The following KCTD16 variants were observed in gnomAD, a reference collection of about 807,000 sequenced individuals.
KCTD16 encodes the protein BTB/POZ domain-containing protein KCTD16.
A neutral mutation model predicts 33.2 loss-of-function variants in KCTD16; 13 were observed. The observed-to-expected ratio is 0.39, with a 90% CI of 0.25 to 0.62. The LOEUF is 0.62. KCTD16 is among the 20% of genes least tolerant of loss of function. The probability of loss-of-function intolerance (pLI) is 0.50; values close to 1 mark genes in which losing one functional copy is unlikely to be tolerated. For synonymous variants in KCTD16, 197 were observed against 195.3 expected, an observed-to-expected ratio of 1.01 and a Z score of -0.07; for missense variants, 441 against 525.1, an observed-to-expected ratio of 0.84 and a Z score of 1.57.
intron 3 of KCTD16, among the ~76,000 whole-genome samples, chr5:144,454,480 T>C (rs1363860801): frequency 6.6e-6 from 1 of 150,746 alleles, no homozygotes; most frequent in Non-Finnish European, 1.5e-5. Context: ...TTCTTAAGAT[T>C]TCCAAATTAT....
intron 3 of KCTD16, among the ~76,000 whole-genome samples, chr5:144,367,709 A>G (rs533136013): frequency 2.3e-4 from 35 of 149,014 alleles, no homozygotes; most frequent in Non-Finnish European, 3.9e-4. Context: ...TTCTTTTTCA[A>G]CTTTTATTTC....
chr5:144,234,411 T>C (rs565210632), intron 3 of KCTD16, among the ~76,000 whole-genome samples: 2 of 152,298 alleles, frequency 1.3e-5, no homozygotes, highest in East Asian at 3.9e-4. Context: ...GTCTGTCACC[T>C]ATACCCTTCC....
chr5:144,395,686 T>C (rs184855701), intron 3 of KCTD16, among the ~76,000 whole-genome samples: 54 of 152,252 alleles, frequency 3.5e-4, no homozygotes, highest in Admixed American at 3.3e-3. Context: ...TCCTCCCAGG[T>C]AGTCGTTTTG....
intron 1 of KCTD16, among the ~76,000 whole-genome samples, chr5:144,171,797 T>C (rs1442217076): frequency 6.6e-6 from 1 of 152,228 alleles, no homozygotes; most frequent in African/African-American, 2.4e-5. Flanking sequence ...ATTTGTGTGT[T>C]GGTTCTAAAA....
chr5:144,328,900 C>T (rs1043208273), intron 3 of KCTD16, among the ~76,000 whole-genome samples: 1 of 150,012 alleles, frequency 6.7e-6, no homozygotes, highest in Non-Finnish European at 1.5e-5. Context: ...TTCTTATTGC[C>T]TGATTCATTG....
intron 3 of KCTD16, among the ~76,000 whole-genome samples, chr5:144,351,359 C>T (rs1162705914): frequency 6.6e-6 from 1 of 152,162 alleles, no homozygotes; most frequent in South Asian, 2.1e-4. Context: ...AATGCAATAT[C>T]ACATCGTATC....
intron 3 of KCTD16, among the ~76,000 whole-genome samples, chr5:144,414,509 C>T (rs948735338): frequency 6.6e-6 from 1 of 152,180 alleles, no homozygotes; most frequent in African/African-American, 2.4e-5. Context: ...CAGGCAGGGA[C>T]AATGTCTTCT....
At chr5:144,405,592 C>G (rs888660629) in intron 3 of KCTD16, among the ~76,000 whole-genome samples, 3 of 152,152 alleles carry the variant, frequency 2.0e-5, no homozygotes, top group Non-Finnish European at 4.4e-5. Context: ...CATGAGAAGC[C>G]TTATCCTGCT....
intron 3 of KCTD16, among the ~76,000 whole-genome samples, chr5:144,455,265 T>C (rs1754035406): frequency 6.6e-6 from 1 of 152,134 alleles, no homozygotes; most frequent in Admixed American, 6.5e-5. Flanking sequence ...ACATGGCCCC[T>C]TCTCTGTAAA....
At chr5:144,203,088 C>T (rs1753079697) in intron 2 of KCTD16, among the ~76,000 whole-genome samples, 1 of 151,992 alleles carries the variant, frequency 6.6e-6, no homozygotes, top group African/African-American at 2.4e-5. Context: ...CTAAGCAGTC[C>T]ATTTTCCAAA....
chr5:144,189,495 CAA>C (rs5871868), intron 2 of KCTD16, among the ~76,000 whole-genome samples: 26,796 of 120,466 alleles, frequency 0.22, 2,520 homozygotes, highest in Admixed American at 0.32. Flanking sequence ...GACTCCATCT[CAA>C]AAAAAAAAAA....
intron 3 of KCTD16, among the ~76,000 whole-genome samples, chr5:144,231,382 A>C (rs1409096840): frequency 6.6e-6 from 1 of 152,160 alleles, no homozygotes; most frequent in African/African-American, 2.4e-5. Context: ...TTATGTTCTC[A>C]TGAAGCTCAC....
chr5:144,399,830 G>A (rs1298538644), intron 3 of KCTD16, among the ~76,000 whole-genome samples: 1 of 152,146 alleles, frequency 6.6e-6, no homozygotes, highest in Non-Finnish European at 1.5e-5. Context: ...TGTGAGCAAA[G>A]ATCTAAGATT....
chr5:144,387,641 G>A (rs1464882875), intron 3 of KCTD16, among the ~76,000 whole-genome samples: 1 of 152,168 alleles, frequency 6.6e-6, no homozygotes, highest in Admixed American at 6.5e-5. Flanking sequence ...TAGGCAGGGA[G>A]GTCTCTATTG....
At chr5:144,305,100 T>C (rs1561560868) in intron 3 of KCTD16, among the ~76,000 whole-genome samples, 1 of 151,678 alleles carries the variant, frequency 6.6e-6, no homozygotes, top group Non-Finnish European at 1.5e-5. Flanking sequence ...ATTTAGAGCT[T>C]CTTAGAGCAA....
chr5:144,264,646 G>T (rs903187192), intron 3 of KCTD16, among the ~76,000 whole-genome samples: 1 of 152,082 alleles, frequency 6.6e-6, no homozygotes, highest in Non-Finnish European at 1.5e-5. Flanking sequence ...GGTGGTGCCC[G>T]CCTGTGATTC....
chr5:144,289,617 T>G (rs966447953), intron 3 of KCTD16, among the ~76,000 whole-genome samples: 1 of 152,220 alleles, frequency 6.6e-6, no homozygotes, highest in African/African-American at 2.4e-5. Flanking sequence ...CTTCCTGAGC[T>G]TCTGTCTTTT....
intron 3 of KCTD16, among the ~76,000 whole-genome samples, chr5:144,288,668 C>A (rs779240715): frequency 6.6e-6 from 1 of 152,112 alleles, no homozygotes; most frequent in African/African-American, 2.4e-5. Context: ...TACATTAGGT[C>A]TCTAGAAAGC....
rs569667277 is a variant in KCTD16 at position 144,386,327 on chromosome 5, T to C, written c.833-87333T>C. Among the ~76,000 whole-genome samples, 4 of 152,302 alleles carry C rather than the reference T, an allele frequency of 2.6e-5. No individual in the cohort carries two copies. The East Asian group carries it at 7.7e-4, about 29-fold the overall frequency. On this transcript the variant is annotated intron_variant, in intron 3 of 3. Coordinates refer to ENST00000512467, the MANE Select transcript of KCTD16 (RefSeq NM_020768.4). ...GTAACCAATTCCAGGGAACCCCAAA[T>C]ACTTTCATAAAGTTAGTAGCAAGAG...
Sources: allele counts gnomAD v4.1 joint callset (sites outside exome capture counted in the v4.1 genomes callset), GRCh38; gene constraint gnomAD v4.1.1; transcripts MANE v1.5; gene names NCBI Gene and HGNC (gene_info 2026-07-23, HGNC 2026-07-21).